The following SLC30A7 variants were observed in gnomAD, a reference collection of about 807,000 sequenced individuals.
SLC30A7 encodes solute carrier family 30 member 7.
A neutral mutation model predicts 46.0 loss-of-function variants in SLC30A7; 35 were observed. That is an observed-to-expected ratio of 0.76 (90% CI 0.58 to 1.01). The LOEUF is 1.01. Ranked by LOEUF, SLC30A7 falls within the 50% of genes least tolerant of loss-of-function variation. The pLI, the probability that SLC30A7 is intolerant of heterozygous loss-of-function variation, is 0.00. For missense variants in SLC30A7, 464 were observed against 451.1 expected, an observed-to-expected ratio of 1.03 and a Z score of -0.26; for synonymous variants, 147 against 157.8, an observed-to-expected ratio of 0.93 and a Z score of 0.51.
intron 10 of SLC30A7, among the ~76,000 whole-genome samples, chr1:100,970,223 A>G (rs566327093): frequency 6.6e-6 from 1 of 152,214 alleles, no homozygotes; most frequent in South Asian, 2.1e-4. Flanking sequence ...TATCTTTCTT[A>G]TAGCCAGTCT....
chr1:100,896,370 G>A (rs779051664), intron 1 of SLC30A7, 28 bp downstream of exon 1: 21 of 1,612,492 alleles, frequency 1.3e-5, no homozygotes, highest in Non-Finnish European at 1.7e-5. Flanking sequence ...TGCGGGGAGG[G>A]GGTGTCCGGC....
rs1656592802 is a variant in SLC30A7, at chr1:100,977,386, T to C, written c.*2529T>C. ...GTTGGCATTAACATTTATGCTTTAA[T>C]TAAATGCCAGTATACCTATGTGTGC... On this transcript the variant is annotated 3_prime_UTR_variant, in exon 11 of 11. Coordinates refer to ENST00000357650, the MANE Select transcript of SLC30A7 (RefSeq NM_133496.5). 1 of 152,232 alleles carries C rather than the reference T, an allele frequency of 6.6e-6. No homozygotes were observed. 9.4% of individuals were successfully genotyped at this position (152,232 alleles called of 1,614,324 possible).
chr1:100,950,606 G>C (rs1055491925), intron 8 of SLC30A7, among the ~76,000 whole-genome samples: 42 of 152,070 alleles, frequency 2.8e-4, no homozygotes, highest in African/African-American at 1.0e-3. Context: ...TTTTACTGTT[G>C]ATGTTTTCCT....
intron 8 of SLC30A7, among the ~76,000 whole-genome samples, chr1:100,934,857 A>G (rs60978318): frequency 0.13 from 19,229 of 152,136 alleles, 1,393 homozygotes; most frequent in Non-Finnish European, 0.17. Flanking sequence ...CCCATGTAAG[A>G]AACTGCTCAA....
At chr1:100,973,758 A>G (rs560567152) in intron 10 of SLC30A7, among the ~76,000 whole-genome samples, 1 of 152,270 alleles carries the variant, frequency 6.6e-6, no homozygotes, top group South Asian at 2.1e-4. Flanking sequence ...TAAGTGAGGT[A>G]AAAGGGCAGC....
chr1:100,905,159 G>A (rs183373013), intron 2 of SLC30A7, among the ~76,000 whole-genome samples: 26 of 151,914 alleles, frequency 1.7e-4, no homozygotes, highest in Non-Finnish European at 1.9e-4. Flanking sequence ...ATTCCATTCT[G>A]TGTGCTATTA....
At chr1:100,986,410 A>G (rs1657272069), downstream of SLC30A7, among the ~76,000 whole-genome samples, 1 of 138,124 alleles carries the variant, frequency 7.2e-6, no homozygotes, top group South Asian at 2.3e-4. Flanking sequence ...ACTCTTGTCT[A>G]AAAAAAAAAA....
Position 100,909,043 on chromosome 1 carries a change from ATGTG to A in SLC30A7, c.297-1994_297-1991del, listed in dbSNP as rs72292631. On this transcript the variant is annotated intron_variant, in intron 3 of 10. Transcript: ENST00000357650. ...TTTAATTTAATCCTCTCCTCTCTTT[ATGTG>A]TGTGTGTGTGTGTGTGTGTGTGTGT... Among the ~76,000 whole-genome samples the A allele has an allele frequency of 8.5e-3, 1,260 of 148,192 alleles. 21 individuals are homozygous for A. The highest frequency in any genetic ancestry group is 0.027 in the African/African-American group (1,097 of 40,446).
chr1:100,917,441 T>C (rs773113106), intron 6 of SLC30A7, among the ~76,000 whole-genome samples: 3 of 152,200 alleles, frequency 2.0e-5, no homozygotes, highest in Non-Finnish European at 4.4e-5. Flanking sequence ...TTAGTTGTGA[T>C]CAGAAAGCTT....
chr1:100,937,848 C>T (rs1259410503), intron 8 of SLC30A7, among the ~76,000 whole-genome samples: 1 of 152,074 alleles, frequency 6.6e-6, no homozygotes, highest in African/African-American at 2.4e-5. Context: ...AAGCTTTCTC[C>T]TATGTTTTCT....
In SLC30A7 at chr1:100,965,723, G is replaced by A. The variant is rs761932049; in HGVS notation, c.934-46G>A. On this transcript the variant is annotated intron_variant, in intron 9 of 10. Coordinates refer to ENST00000357650, the MANE Select transcript of SLC30A7 (RefSeq NM_133496.5). ...TGCATAATAACTTAAGTAAAAGGGA[G>A]TGCTTAACTTGATTATGATGTTAAT... 3 of 1,515,632 alleles carry A rather than the reference G, an allele frequency of 2.0e-6. No individual in the cohort carries two copies. The Admixed American group carries it at 5.1e-5, about 26-fold the overall frequency. 93.9% of individuals were successfully genotyped at this position (1,515,632 alleles called of 1,614,324 possible).
intron 3 of SLC30A7, among the ~76,000 whole-genome samples, chr1:100,908,663 A>G (rs1651860058): frequency 1.3e-5 from 2 of 152,212 alleles, no homozygotes; most frequent in Admixed American, 1.3e-4. Flanking sequence ...TATTGGTGAT[A>G]TGCAAATAAT....
rs769930970 is a variant in SLC30A7, at chr1:100,913,622, A to G, written c.512-41A>G. 2.7e-6 allele frequency: 4 copies of G among 1,468,758 alleles called. No individual in the cohort carries two copies. The South Asian group carries it at 3.4e-5, about 13-fold the overall frequency. The allele number at this position is 1,468,758 out of a possible 1,614,324, so 91.0% of individuals were successfully genotyped here. ...GTATAATTGTAACCATTTATATAAT[A>G]TATTTTTACATACCTTCTGTCCTAA... On this transcript the variant is annotated intron_variant, in intron 5 of 10. Transcript: ENST00000357650.
At chr1:100,906,207 T>A (rs527560321) in intron 2 of SLC30A7, among the ~76,000 whole-genome samples, 30 of 152,204 alleles carry the variant, frequency 2.0e-4, no homozygotes, top group Non-Finnish European at 3.8e-4. Context: ...GGGTTCTTGC[T>A]CCACTCTCAG....
At position 100,977,004 on chromosome 1, in the gene SLC30A7, A is replaced by G. The variant is rs1033802084; in HGVS notation, c.*2147A>G. On this transcript the variant is annotated 3_prime_UTR_variant, in exon 11 of 11. Coordinates refer to ENST00000357650, the MANE Select transcript of SLC30A7 (RefSeq NM_133496.5). ...TAATGGTACTGGTTTTTCTACAAAT[A>G]TAAGTAGTCATTAGAAGTTTGCAAC... 2 of 139,842 alleles carry G rather than the reference A, an allele frequency of 1.4e-5. No individual in the cohort carries two copies. Among genetic ancestry groups the G allele is most frequent in the African/African-American group, 2.8e-5 (1 of 35,856 alleles). 8.7% of individuals were successfully genotyped at this position (139,842 alleles called of 1,614,324 possible). A position where few individuals can be genotyped will look rare whatever the true frequency, so the allele number is the denominator to read the frequency against.
Position 100,919,516 on chromosome 1 carries a change from G to A in SLC30A7, c.706+1389G>A, listed in dbSNP as rs188172496. 2.0e-5 allele frequency among the ~76,000 whole-genome samples: 3 copies of A among 152,022 alleles called. No homozygotes were observed. In the East Asian group the frequency reaches 5.8e-4, roughly 29 times the overall value. Reference sequence around the variant, plus strand: ...GCTTAAATGTGTCTTCCAATCACAGGTTTTCCATTTACAAAAGATATGGAA... The same window carrying A: ...GCTTAAATGTGTCTTCCAATCACAGATTTTCCATTTACAAAAGATATGGAA... On this transcript the variant is annotated intron_variant, in intron 7 of 10. Transcript: ENST00000357650.
rs1009757399 is a variant in SLC30A7, at chr1:100,977,240, T to A, written c.*2383T>A. ...ATTCCAAGTTTAGTTTTTGTCAAAA[T>A]ATGAATCATTTTATTTGACTGTACT... On this transcript the variant is annotated 3_prime_UTR_variant, in exon 11 of 11. Coordinates refer to ENST00000357650, the MANE Select transcript of SLC30A7 (RefSeq NM_133496.5). The A allele has an allele frequency of 1.3e-5, 2 of 152,192 alleles. No homozygotes were observed. The highest frequency in any genetic ancestry group is 2.4e-5 in the African/African-American group (1 of 41,454). The allele number at this position is 152,192 out of a possible 1,614,324, so 9.4% of individuals were successfully genotyped here.
the SLC30A7 span, chr1:100,990,418 T>G: frequency 2.5e-6 from 4 of 1,613,702 alleles, no homozygotes; most frequent in South Asian, 2.2e-5. Flanking sequence ...TCAAAGTCCA[T>G]TGATGCTTTG....
At chr1:100,983,524 AG>A (rs1657100316), downstream of SLC30A7, among the ~76,000 whole-genome samples, 1 of 152,210 alleles carries the variant, frequency 6.6e-6, no homozygotes, top group African/African-American at 2.4e-5. Context: ...AGTGTAGGCA[AG>A]GCAATCAGTT....
Sources: allele counts gnomAD v4.1 joint callset (sites outside exome capture counted in the v4.1 genomes callset), GRCh38; gene constraint gnomAD v4.1.1; transcripts MANE v1.5; gene names NCBI Gene and HGNC (gene_info 2026-07-23, HGNC 2026-07-21).